Variants in LNPK observed in about 807,000 individuals in gnomAD.
The protein encoded by LNPK is lunapark, ER junction formation factor.
LNPK carries 29 observed loss-of-function variants against 55.2 expected under a neutral mutation model. That is an observed-to-expected ratio of 0.53 (90% CI 0.39 to 0.72). LNPK has a LOEUF of 0.72. Ranked by LOEUF, LNPK falls within the 30% of genes least tolerant of loss-of-function variation. The pLI is 0.00. For synonymous variants in LNPK, 162 were observed against 168.2 expected, an observed-to-expected ratio of 0.96 and a Z score of 0.29; for missense variants, 467 against 494.8, an observed-to-expected ratio of 0.94 and a Z score of 0.53.
At chr2:175,964,328 T>G (rs752656377) in intron 8 of LNPK, 44 bp downstream of exon 8, 1 of 1,538,878 alleles carries the variant, frequency 6.5e-7, no homozygotes, top group South Asian at 1.1e-5. Flanking sequence ...TGGGTAATTA[T>G]GGATCTTTCC....
In LNPK at chr2:175,928,264, A is replaced by G. The variant is rs749259558; in HGVS notation, c.*1703T>C. 2.6e-5 allele frequency: 4 copies of G among 152,188 alleles called. No individual in the cohort carries two copies. The highest frequency in any genetic ancestry group is 1.5e-5 in the Non-Finnish European group (1 of 68,028). 9.4% of individuals were successfully genotyped at this position (152,188 alleles called of 1,614,324 possible). A position where few individuals can be genotyped will look rare whatever the true frequency, so the allele number is the denominator to read the frequency against. On this transcript the variant is annotated 3_prime_UTR_variant, in exon 13 of 13. Transcript: ENST00000272748. ...CTTATGGTCCTTGCATATTTTAAAGACATTAATAAGAACAAATGCCATCGT... is the reference window on the plus strand; with the variant it reads ...CTTATGGTCCTTGCATATTTTAAAGGCATTAATAAGAACAAATGCCATCGT...
Position 175,930,097 on chromosome 2 carries a change from G to A in LNPK, c.1157C>T (p.Ser386Leu). 6.2e-7 allele frequency: 1 copy of A among 1,614,010 alleles called. No individual in the cohort carries two copies. The highest frequency in any genetic ancestry group is 1.1e-5 in the South Asian group (1 of 91,076). The change falls in exon 13 of 13, where the codon TCA becomes TTA. Residue 386 changes from serine (S) to leucine (L), a missense_variant. By Grantham distance (145) the Ser-to-Leu change is moderately radical. Transcript: ENST00000272748. ...CTCTTGTTTCTCCTCTGGTTCCTCT[G>A]AGTCAGATGCTTTTTCAATCACTTG... is the stretch of plus-strand genomic sequence containing the variant. ...TNQVIEKASD[S>L]EEPEEKQETE...
At chr2:175,985,875 G>A (rs527328222) in intron 4 of LNPK, among the ~76,000 whole-genome samples, 1 of 152,208 alleles carries the variant, frequency 6.6e-6, no homozygotes, top group Non-Finnish European at 1.5e-5. Context: ...AACTGAAACT[G>A]CAGAGGGCAA....
intron 6 of LNPK, among the ~76,000 whole-genome samples, chr2:175,969,719 A>C (rs566608407): frequency 6.6e-6 from 1 of 152,296 alleles, no homozygotes; most frequent in South Asian, 2.1e-4. Flanking sequence ...CTGTTCCATA[A>C]TGTGCAGAAT....
intron 2 of LNPK, among the ~76,000 whole-genome samples, chr2:175,995,008 A>G (rs895433482): frequency 4.9e-4 from 62 of 127,118 alleles, no homozygotes; most frequent in South Asian, 2.5e-4. Flanking sequence ...TGCAACCTCC[A>G]CCTCCTGGGT....
At chr2:176,002,127 C>T (rs958930169) in intron 1 of LNPK, 33 bp downstream of exon 1, 2 of 414,016 alleles carry the variant, frequency 4.8e-6, no homozygotes, top group Middle Eastern at 8.9e-4. Context: ...CGCTGCAGAG[C>T]CCTCCCAACT....
chr2:175,966,073 T>C (rs1574860871), intron 6 of LNPK, among the ~76,000 whole-genome samples: 1 of 152,174 alleles, frequency 6.6e-6, no homozygotes, highest in East Asian at 1.9e-4. Flanking sequence ...TTGTTTTGTT[T>C]CATTTTGTTT....
At chr2:175,964,647 A>G (rs1339025873) in intron 6 of LNPK, 58 bp from the exon 7 acceptor site, 18 of 898,894 alleles carry the variant, frequency 2.0e-5, no homozygotes, top group African/African-American at 4.9e-5. Context: ...ACTTATTTGT[A>G]TAAGTCCTAT....
chr2:175,957,956 C>A (rs1237569765), intron 8 of LNPK, among the ~76,000 whole-genome samples: 1 of 152,224 alleles, frequency 6.6e-6, no homozygotes, highest in Admixed American at 6.5e-5. Flanking sequence ...TTGCTCACTG[C>A]TGGCACAGCA....
chr2:175,932,637 A>G (rs929360170), intron 12 of LNPK, among the ~76,000 whole-genome samples: 1 of 152,228 alleles, frequency 6.6e-6, no homozygotes, highest in African/African-American at 2.4e-5. Context: ...TTGGATGCCA[A>G]TGCCATTTTG....
At chr2:175,962,757 C>G (rs1331391686) in intron 8 of LNPK, among the ~76,000 whole-genome samples, 2 of 152,074 alleles carry the variant, frequency 1.3e-5, no homozygotes, top group Non-Finnish European at 2.9e-5. Flanking sequence ...TACCATCAGA[C>G]TGAACACGCA....
In LNPK at chr2:175,929,707, A is replaced by G. The variant is rs1298242679; in HGVS notation, c.*260T>C. ...TCATGTTTGCTTACTTTTAGAATGG[A>G]CAAAAAAGTATCTAAAAGCTGTCTC... is the stretch of plus-strand genomic sequence containing the variant. On this transcript the variant is annotated 3_prime_UTR_variant, in exon 13 of 13. Transcript: ENST00000272748. The G allele has an allele frequency of 3.1e-6, 4 of 1,285,908 alleles. No homozygotes were observed. In the Admixed American group the frequency reaches 1.1e-4, roughly 36 times the overall value. The allele number at this position is 1,285,908 out of a possible 1,614,324, so 79.7% of individuals were successfully genotyped here. A position where few individuals can be genotyped will look rare whatever the true frequency, so the allele number is the denominator to read the frequency against.
chr2:175,941,170 G>A (rs899707763), intron 9 of LNPK: 3 of 323,980 alleles, frequency 9.3e-6, no homozygotes, highest in African/African-American at 4.5e-5. Flanking sequence ...AGGACTGCTT[G>A]AACCCACGAG....
intron 8 of LNPK, among the ~76,000 whole-genome samples, chr2:175,958,580 T>C (rs964644158): frequency 6.6e-6 from 1 of 152,124 alleles, no homozygotes; most frequent in African/African-American, 2.4e-5. Context: ...CATCATCAAA[T>C]ACCAAAGGTA....
In LNPK at chr2:175,929,349, T is replaced by G. The variant is rs1684155132; in HGVS notation, c.*618A>C. On this transcript the variant is annotated 3_prime_UTR_variant, in exon 13 of 13. Coordinates refer to ENST00000272748, the MANE Select transcript of LNPK (RefSeq NM_030650.3). ...AAAAAGAAACACTGCAGTTGACTGT[T>G]TCATTGCATTCTCACTGAGAATTCG... The G allele has an allele frequency of 1.0e-6, 1 of 985,852 alleles. No homozygotes were observed. Among genetic ancestry groups the G allele is most frequent in the Non-Finnish European group, 1.2e-6 (1 of 829,902 alleles). 61.1% of individuals were successfully genotyped at this position (985,852 alleles called of 1,614,324 possible).
Position 175,947,507 on chromosome 2 carries a change from A to C in LNPK, c.679T>G (p.Ser227Ala). 8 of 1,613,754 alleles carry C rather than the reference A, an allele frequency of 5.0e-6. No individual in the cohort carries two copies. Among genetic ancestry groups the C allele is most frequent in the Non-Finnish European group, 6.8e-6 (8 of 1,179,918 alleles). Residue 227 changes from serine (S) to alanine (A), a missense_variant, in exon 9 of 13, where the codon TCC (serine) becomes GCC (alanine). Ser to Ala is a moderately conservative substitution (Grantham distance 99, BLOSUM62 1). Coordinates refer to ENST00000272748, the MANE Select transcript of LNPK (RefSeq NM_030650.3). ...ATTCCAGGCACTGAAGTAGCAGGGG[A>C]TCCAAGATGTCTTGGTAACACATTT... ...SSNVLPRHLG[S>A]PATSVPGMGL...
chr2:175,945,919 T>C (rs1685101252), intron 9 of LNPK, among the ~76,000 whole-genome samples: 1 of 152,204 alleles, frequency 6.6e-6, no homozygotes, highest in Non-Finnish European at 1.5e-5. Flanking sequence ...CTGCTGGTTA[T>C]TAATTTTCAA....
At chr2:175,935,156 T>C (rs570509279) in intron 12 of LNPK, among the ~76,000 whole-genome samples, 17 of 152,336 alleles carry the variant, frequency 1.1e-4, no homozygotes, top group African/African-American at 3.8e-4. Flanking sequence ...AAAGTTTGGA[T>C]GGAAGAAAGT....
chr2:175,994,664 C>T (rs1228059860), intron 2 of LNPK, among the ~76,000 whole-genome samples: 1 of 151,946 alleles, frequency 6.6e-6, no homozygotes, highest in East Asian at 2.0e-4. Flanking sequence ...GGATTGCAGG[C>T]GCCCACCACC....
Sources: allele counts gnomAD v4.1 joint callset (sites outside exome capture counted in the v4.1 genomes callset), GRCh38; gene constraint gnomAD v4.1.1; transcripts MANE v1.5; gene names NCBI Gene and HGNC (gene_info 2026-07-23, HGNC 2026-07-21).